STXBP5: variants seen among roughly 807,000 people sequenced by gnomAD.
STXBP5 encodes syntaxin binding protein 5, also known as syntaxin-binding protein 5.
A neutral mutation model predicts 152.4 loss-of-function variants in STXBP5; 50 were observed. The ratio of observed to expected loss-of-function variants is 0.33; its 90% CI spans 0.26 to 0.42. The LOEUF is 0.42. STXBP5 is among the 10% of genes least tolerant of loss of function. The probability of loss-of-function intolerance (pLI) is 1.00; values close to 1 mark genes in which losing one functional copy is unlikely to be tolerated. For missense variants in STXBP5, 1,167 were observed against 1,388.6 expected (o/e 0.84, Z 2.54); for synonymous variants, 492 against 494.7 (o/e 0.99, Z 0.07).
At chr6:147,306,711 A>C (rs1782112933) in intron 9 of STXBP5, among the ~76,000 whole-genome samples, 1 of 152,104 alleles carries the variant, frequency 6.6e-6, no homozygotes, top group Non-Finnish European at 1.5e-5. Flanking sequence ...TGTGGTGGCT[A>C]TTCCTGCTGA....
In STXBP5 at chr6:147,310,243, G is replaced by C. The variant is rs372732277; in HGVS notation, c.1072+5G>C. ...GTGAAACACCATACCCAAATGGTAAGCTTTGCAACTTTAAAGCTCATTCTC... is the reference window on the plus strand; with the variant it reads ...GTGAAACACCATACCCAAATGGTAACCTTTGCAACTTTAAAGCTCATTCTC... On this transcript the variant is annotated splice_donor_5th_base_variant and intron_variant, in intron 10 of 27. Transcript: ENST00000321680. 1.9e-6 allele frequency: 3 copies of C among 1,540,040 alleles called. No homozygotes were observed. Among genetic ancestry groups the C allele is most frequent in the Non-Finnish European group, 2.6e-6 (3 of 1,152,388 alleles).
intron 21 of STXBP5, among the ~76,000 whole-genome samples, chr6:147,352,312 T>C (rs1457745334): frequency 1.3e-5 from 2 of 152,244 alleles, no homozygotes; most frequent in Non-Finnish European, 2.9e-5. Flanking sequence ...TGATTAGATA[T>C]AAGTTTGGCC....
At chr6:147,319,390 G>A (rs1782800667) in intron 16 of STXBP5, among the ~76,000 whole-genome samples, 1 of 152,038 alleles carries the variant, frequency 6.6e-6, no homozygotes, top group Non-Finnish European at 1.5e-5. Flanking sequence ...ACCACTGATA[G>A]TAAAACACTA....
intron 8 of STXBP5, among the ~76,000 whole-genome samples, chr6:147,282,022 T>C (rs1780726117): frequency 6.6e-6 from 1 of 152,358 alleles, no homozygotes; most frequent in South Asian, 2.1e-4. Flanking sequence ...TTATTGGTTC[T>C]ACTGTGTGAT....
At chr6:147,248,701 G>A (rs759884682) in intron 4 of STXBP5, among the ~76,000 whole-genome samples, 1 of 152,160 alleles carries the variant, frequency 6.6e-6, no homozygotes, top group Non-Finnish European at 1.5e-5. Context: ...GGGCCCCAAG[G>A]TATCTACCCT....
chr6:147,231,202 C>T (rs928154246), intron 2 of STXBP5, among the ~76,000 whole-genome samples: 3 of 149,958 alleles, frequency 2.0e-5, no homozygotes, highest in Admixed American at 1.3e-4. Context: ...GTTTTTTTTT[C>T]CTGTGATTAT....
At chr6:147,215,499 GT>G (rs909437362) in intron 2 of STXBP5, among the ~76,000 whole-genome samples, 4 of 152,186 alleles carry the variant, frequency 2.6e-5, no homozygotes, top group Admixed American at 2.6e-4. Flanking sequence ...TCCCACCTCA[GT>G]CCCCCAAGTA....
chr6:147,362,678 A>G (rs950523534), intron 23 of STXBP5, among the ~76,000 whole-genome samples: 7 of 152,234 alleles, frequency 4.6e-5, no homozygotes, highest in Non-Finnish European at 7.3e-5. Flanking sequence ...GCAAAGCCAC[A>G]TAAATAATTT....
rs564295025 is a variant in STXBP5, at chr6:147,257,192, GTGTGCCACTAAATACAACT to G, written c.432-3419_432-3401del. Reference sequence around the variant, plus strand: ...GTTGTATTCTACAAGAATCCCCTCAGTGTGCCACTAAATACAACTTGTATTTAGTGGCATACTGAGGGGA... The same window carrying G: ...GTTGTATTCTACAAGAATCCCCTCAGTGTATTTAGTGGCATACTGAGGGGA... On this transcript the variant is annotated intron_variant, in intron 4 of 27. Transcript: ENST00000321680. Among the ~76,000 whole-genome samples, 369 of 150,888 alleles carry G rather than the reference GTGTGCCACTAAATACAACT, an allele frequency of 2.4e-3. 2 individuals are homozygous for G. Among genetic ancestry groups the G allele is most frequent in the African/African-American group, 8.5e-3 (349 of 41,252 alleles).
chr6:147,208,140 T>G (rs1776665688), intron 2 of STXBP5, among the ~76,000 whole-genome samples: 1 of 146,836 alleles, frequency 6.8e-6, no homozygotes, highest in African/African-American at 2.7e-5. Context: ...TACTCTAAAG[T>G]TTTTTTTTAG....
intron 18 of STXBP5, among the ~76,000 whole-genome samples, chr6:147,331,581 A>G (rs971481078): frequency 1.3e-5 from 2 of 152,190 alleles, no homozygotes; most frequent in Non-Finnish European, 2.9e-5. Context: ...ATACCTAATC[A>G]TGTGAGTGAA....
At chr6:147,254,550 A>C (rs1035589517) in intron 4 of STXBP5, among the ~76,000 whole-genome samples, 1 of 152,246 alleles carries the variant, frequency 6.6e-6, no homozygotes, top group Non-Finnish European at 1.5e-5. Context: ...TCCATCTGGC[A>C]AAAGGCTAAT....
intron 9 of STXBP5, among the ~76,000 whole-genome samples, chr6:147,309,509 C>CATT (rs1044563916): frequency 6.6e-6 from 1 of 151,930 alleles, no homozygotes; most frequent in Non-Finnish European, 1.5e-5. Flanking sequence ...AGTTATGGGG[C>CATT]TAATTAGAAT....
chr6:147,288,784 G>T (rs902645506), intron 8 of STXBP5, among the ~76,000 whole-genome samples: 2 of 152,156 alleles, frequency 1.3e-5, no homozygotes, highest in Admixed American at 1.3e-4. Flanking sequence ...AAAGGCTTTA[G>T]AACAGGGAAG....
At chr6:147,286,358 A>T (rs1167897313) in intron 8 of STXBP5, among the ~76,000 whole-genome samples, 1 of 152,196 alleles carries the variant, frequency 6.6e-6, no homozygotes, top group Non-Finnish European at 1.5e-5. Context: ...ATGTTCCATT[A>T]CCAGTCAGTG....
chr6:147,226,438 T>A (rs1777716304), intron 2 of STXBP5, among the ~76,000 whole-genome samples: 1 of 152,228 alleles, frequency 6.6e-6, no homozygotes, highest in African/African-American at 2.4e-5. Flanking sequence ...ACCACGTTCC[T>A]ATTACCTGAG....
chr6:147,363,723 T>A lies in STXBP5; in HGVS notation c.2915+19T>A. 1 of 1,581,928 alleles carries A rather than the reference T, an allele frequency of 6.3e-7. No individual in the cohort carries two copies. Among genetic ancestry groups the A allele is most frequent in the Non-Finnish European group, 8.6e-7 (1 of 1,167,872 alleles). On this transcript the variant is annotated intron_variant, in intron 24 of 27. Transcript: ENST00000321680. ...CTTTTAGGTAAGAGTTAGATATGTTTTAAAACACAGATATAGCATTTCCTC... is the reference window on the plus strand; with the variant it reads ...CTTTTAGGTAAGAGTTAGATATGTTATAAAACACAGATATAGCATTTCCTC...
rs1055522235 is a variant in STXBP5 at position 147,359,256 on chromosome 6, C to T, written c.2478C>T (p.Val826=). 6 of 1,613,888 alleles carry T rather than the reference C, an allele frequency of 3.7e-6. No homozygotes were observed. Among genetic ancestry groups the T allele is most frequent in the Non-Finnish European group, 5.1e-6 (6 of 1,179,912 alleles). ...GAACAACGCTAGGAACAGTGCTTGTCATTGCACTGAACCTTCCCCCAGGGG... is the reference window on the plus strand; with the variant it reads ...GAACAACGCTAGGAACAGTGCTTGTTATTGCACTGAACCTTCCCCCAGGGG... ...WVGTTLGTVL[V]IALNLPPGGE... is the part of the protein sequence containing the mutation. The change falls in exon 23 of 28, where the codon GTC becomes GTT. Residue 826 remains valine, a synonymous_variant. Transcript: ENST00000321680.
rs1369487829 is a variant in STXBP5 at position 147,387,079 on chromosome 6, A to C, written c.*2324A>C. 1.3e-5 allele frequency: 2 copies of C among 151,832 alleles called. No homozygotes were observed. The highest frequency in any genetic ancestry group is 4.8e-5 in the African/African-American group (2 of 41,522). 9.4% of individuals were successfully genotyped at this position (151,832 alleles called of 1,614,324 possible). A position where few individuals can be genotyped will look rare whatever the true frequency, so the allele number is the denominator to read the frequency against. On this transcript the variant is annotated 3_prime_UTR_variant, in exon 28 of 28. Transcript: ENST00000321680. The stretch of plus-strand genomic sequence containing the variant: ...TTATTTAATTTTTAAATTAATCTAC[A>C]AATTATGCACAACAAACTAGAGACT...
Sources: allele counts gnomAD v4.1 joint callset (sites outside exome capture counted in the v4.1 genomes callset), GRCh38; gene constraint gnomAD v4.1.1; transcripts MANE v1.5; gene names NCBI Gene and HGNC (gene_info 2026-07-23, HGNC 2026-07-21).